The following PARP10 variants were observed in gnomAD, a reference collection of about 807,000 sequenced individuals.
PARP10 encodes the protein poly(ADP-ribose) polymerase family member 10, also known as protein mono-ADP-ribosyltransferase PARP10.
A neutral mutation model predicts 82.4 loss-of-function variants in PARP10; 56 were observed. The observed-to-expected ratio is 0.68, with a 90% CI of 0.55 to 0.85. The LOEUF is 0.85. Among genes scored for constraint, PARP10 ranks in the 40% least tolerant of loss-of-function variants. The pLI, the probability that PARP10 is intolerant of heterozygous loss-of-function variation, is 0.00. For missense variants in PARP10, 1,227 were observed against 1,379.4 expected, an observed-to-expected ratio of 0.89 and a Z score of 1.75; for synonymous variants, 576 against 601.1, an observed-to-expected ratio of 0.96 and a Z score of 0.61.
At chr8:143,981,464 AGGTGGT>A (rs1247271002) in intron 9 of PARP10, among the ~76,000 whole-genome samples, 1 of 56,636 alleles carries the variant, frequency 1.8e-5, no homozygotes, top group Non-Finnish European at 3.2e-5. Flanking sequence ...TGAGTGGTGA[AGGTGGT>A]GGTGATGATG....
At chr8:144,007,502 G>A (rs541197824) in intron 1 of PARP10, among the ~76,000 whole-genome samples, 27 of 152,310 alleles carry the variant, frequency 1.8e-4, no homozygotes, top group Non-Finnish European at 3.2e-4. Flanking sequence ...TTAGAAAAAG[G>A]AAAAAGGTTG....
At chr8:144,000,660 G>GA (rs748427072) in intron 1 of PARP10, among the ~76,000 whole-genome samples, 14 of 152,020 alleles carry the variant, frequency 9.2e-5, no homozygotes, top group Non-Finnish European at 1.8e-4. Context: ...TACACCTAGT[G>GA]TAACACTGAT....
intron 1 of PARP10, chr8:144,012,452 G>A (rs1262439716): frequency 5.5e-6 from 8 of 1,443,882 alleles, no homozygotes; most frequent in East Asian, 2.5e-5. Context: ...AAGGCCTGGG[G>A]CCCTGGGCAG....
At chr8:143,979,545 A>C (rs374207404) in intron 9 of PARP10, among the ~76,000 whole-genome samples, 1 of 152,368 alleles carries the variant, frequency 6.6e-6, no homozygotes, top group East Asian at 1.9e-4. Flanking sequence ...ATTAGGACAC[A>C]CGAGAACATG....
At position 143,983,396 on chromosome 8, in the gene PARP10, C is replaced by A; in HGVS notation, c.2193G>T (p.Glu731Asp). The change falls in exon 8 of 11, where the codon GAG becomes GAT. Residue 731 changes from glutamate (E) to aspartate (D), a missense_variant. Glu to Asp is a conservative substitution (Grantham distance 45, BLOSUM62 2). Coordinates refer to ENST00000313028, the MANE Select transcript of PARP10 (RefSeq NM_032789.5). ...ELDRALRAAL[E>D]VHVQEETVGP... ...CCACCGTCTCCTCCTGGACGTGGAC[C>A]TCCAAGGCAGCCCTGAGCGCCCGGT... is the stretch of plus-strand genomic sequence containing the variant. 1 of 1,605,368 alleles carries A rather than the reference C, an allele frequency of 6.2e-7. No homozygotes were observed.
intron 1 of PARP10, among the ~76,000 whole-genome samples, chr8:144,002,693 A>T (rs117275035): frequency 7.2e-4 from 109 of 152,346 alleles, no homozygotes; most frequent in Middle Eastern, 6.8e-3. Flanking sequence ...GATGAAGAAT[A>T]TAAATCTCAA....
In PARP10 at chr8:144,008,448, CT is replaced by C. The variant is rs1834249484; in HGVS notation, c.-80+4081del. Among the ~76,000 whole-genome samples the C allele has an allele frequency of 6.6e-6, 1 of 152,236 alleles. No individual in the cohort carries two copies. Among genetic ancestry groups the C allele is most frequent in the Non-Finnish European group, 1.5e-5 (1 of 68,050 alleles). On this transcript the variant is annotated intron_variant, in intron 1 of 3. Transcript: ENST00000530478. The surrounding 1 kb of genome is among the most constrained non-coding windows in gnomAD (Gnocchi z 4.0). ...TGAGGCAAATTTGAATGGGGACAAA[CT>C]GTGCAAAAGCCAGTGACCCAAGACG...
In PARP10 at chr8:143,984,920, C is replaced by T. The variant is rs1554748842; in HGVS notation, c.1082G>A (p.Gly361Glu). 6.2e-7 allele frequency: 1 copy of T among 1,614,040 alleles called. No homozygotes were observed. The change falls in exon 5 of 11, where the codon GGG becomes GAG. Residue 361 changes from glycine to glutamate, a missense_variant. Physicochemically the swap from Gly to Glu is moderately conservative, Grantham distance 98. Coordinates refer to ENST00000313028, the MANE Select transcript of PARP10 (RefSeq NM_032789.5). Reference sequence around the variant, plus strand: ...CCCCACAGGCCTCAGGCTTACCAGCCCCTCATGTTCCAGAGACCCCATGGG... The same window carrying T: ...CCCCACAGGCCTCAGGCTTACCAGCTCCTCATGTTCCAGAGACCCCATGGG... ...SMPMGSLEHE[G>E]LVSLRPVGLQ...
chr8:143,978,127 TG>T (rs2133028526), intron 9 of PARP10, 46 bp from the exon 10 acceptor site: 1 of 1,452,770 alleles, frequency 6.9e-7, no homozygotes, highest in Non-Finnish European at 9.1e-7. Flanking sequence ...CCCTACGCCC[TG>T]GGGCCGACGC....
upstream of PARP10, among the ~76,000 whole-genome samples, chr8:143,994,287 G>A (rs1035894987): frequency 2.0e-5 from 3 of 151,936 alleles, no homozygotes; most frequent in Non-Finnish European, 2.9e-5. Flanking sequence ...CATCCTTCCT[G>A]AAACCTGCTC....
upstream of PARP10, chr8:143,991,350 C>A: frequency 7.5e-7 from 1 of 1,327,148 alleles, no homozygotes; most frequent in Non-Finnish European, 1.0e-6. Flanking sequence ...GGCCCCTTAC[C>A]CACAGCCCCC....
intron 9 of PARP10, among the ~76,000 whole-genome samples, chr8:143,979,571 A>G (rs529796400): frequency 7.9e-5 from 12 of 152,364 alleles, no homozygotes; most frequent in African/African-American, 2.6e-4. Context: ...TCATACCAAC[A>G]TCAAATTACA....
At chr8:143,986,624 A>C, upstream of PARP10, 1 of 595,224 alleles carries the variant, frequency 1.7e-6, no homozygotes, top group Middle Eastern at 4.5e-4. Flanking sequence ...AACCCAGCCC[A>C]GCCCACCGGC....
intron 1 of PARP10, among the ~76,000 whole-genome samples, chr8:143,999,412 C>G (rs1834184566): frequency 6.6e-6 from 1 of 152,118 alleles, no homozygotes; most frequent in Admixed American, 6.6e-5. Context: ...CCATGTTGCC[C>G]AGGTTGGTGT....
chr8:143,982,197 C>T lies in PARP10; in HGVS notation c.2556+735G>A, dbSNP rs967443828. Among the ~76,000 whole-genome samples the T allele has an allele frequency of 5.9e-5, 9 of 152,190 alleles. No individual in the cohort carries two copies. The South Asian group carries it at 8.3e-4, about 14-fold the overall frequency. On this transcript the variant is annotated intron_variant, in intron 9 of 10. Coordinates refer to ENST00000313028, the MANE Select transcript of PARP10 (RefSeq NM_032789.5). ...AGAGTGCCCCGTGCAAGGCCGGGCG[C>T]GGTGGCTCACGCCTGTAATCCCAGC...
Position 143,977,919 on chromosome 8 carries a change from A to T in PARP10, c.2719T>A (p.Cys907Ser). ...GCTCAGGCCTCACCGTTGCGGCCGC[A>T]GAAGCTGCGGTTGAAGCCGTGGGCG... ...ICAHGFNRSF[C>S]GRNATVYGKG... The change falls in exon 10 of 11, where the codon TGC becomes AGC. Residue 907 changes from cysteine to serine, a missense_variant. Coordinates refer to ENST00000313028, the MANE Select transcript of PARP10 (RefSeq NM_032789.5). The T allele has an allele frequency of 6.2e-7, 1 of 1,601,580 alleles. No homozygotes were observed. The highest frequency in any genetic ancestry group is 8.5e-7 in the Non-Finnish European group (1 of 1,179,350).
rs782355675 is a variant in PARP10, at chr8:143,985,479, C to G, written c.606G>C (p.Gly202=). 6.2e-7 allele frequency: 1 copy of G among 1,613,118 alleles called. No homozygotes were observed. Among genetic ancestry groups the G allele is most frequent in the Admixed American group, 1.7e-5 (1 of 59,904 alleles). The change falls in exon 4 of 11, where the codon GGG becomes GGC. Residue 202 remains glycine (G), a synonymous_variant. Coordinates refer to ENST00000313028, the MANE Select transcript of PARP10 (RefSeq NM_032789.5). ...YLENERRSGG[G]PLEDLQRLPG... The stretch of plus-strand genomic sequence containing the variant: ...GTAGGCGTTGCAGGTCCTCCAGGGG[C>G]CCCCCACCACTGCGGCGCTCATTCT...
intron 9 of PARP10, among the ~76,000 whole-genome samples, chr8:143,980,200 G>T (rs1347610996): frequency 1.7e-4 from 26 of 150,668 alleles, no homozygotes; most frequent in African/African-American, 6.4e-4. Context: ...GGCGCCTGTA[G>T]TCCCAGCTAC....
At chr8:143,982,366 T>C (rs1308081903) in intron 9 of PARP10, among the ~76,000 whole-genome samples, 1 of 152,016 alleles carries the variant, frequency 6.6e-6, no homozygotes, top group East Asian at 1.9e-4. Flanking sequence ...CCCAGCTACT[T>C]GGGAGGCTGA....
Sources: allele counts gnomAD v4.1 joint callset (sites outside exome capture counted in the v4.1 genomes callset), GRCh38; gene constraint gnomAD v4.1.1; non-coding constraint Gnocchi (gnomAD v3.1); transcripts MANE v1.5; gene names NCBI Gene and HGNC (gene_info 2026-07-23, HGNC 2026-07-21).